VIPR2: variants seen among roughly 807,000 people sequenced by gnomAD.
The protein encoded by VIPR2 is vasoactive intestinal peptide receptor 2.
In VIPR2, 48 loss-of-function variants were observed where a neutral mutation model predicts 58.0. The ratio of observed to expected loss-of-function variants is 0.83; its 90% CI spans 0.66 to 1.05. VIPR2 has a LOEUF of 1.05. Ranked by LOEUF, VIPR2 falls within the 50% of genes least tolerant of loss-of-function variation. The pLI is 0.00. For synonymous variants in VIPR2, 243 were observed against 235.2 expected, an observed-to-expected ratio of 1.03 and a Z score of -0.30; for missense variants, 534 against 558.0, an observed-to-expected ratio of 0.96 and a Z score of 0.43.
Position 159,034,254 on chromosome 7 carries a change from T to C in VIPR2, c.930A>G (p.Leu310=). 1.9e-6 allele frequency: 3 copies of C among 1,614,086 alleles called. No homozygotes were observed. Among genetic ancestry groups the C allele is most frequent in the Non-Finnish European group, 2.5e-6 (3 of 1,180,008 alleles). The change falls in exon 10 of 13, where the codon TTA becomes TTG. Residue 310 remains leucine (L), a synonymous_variant. Coordinates refer to ENST00000262178, the MANE Select transcript of VIPR2 (RefSeq NM_003382.5). Reference sequence around the variant, plus strand: ...CGTTGCCGCCGACATCTGGGGATGTTAACTTCTGCAGCAAAATTCGTATAA... The same window carrying C: ...CGTTGCCGCCGACATCTGGGGATGTCAACTTCTGCAGCAAAATTCGTATAA... ...ISIIRILLQK[L]TSPDVGGNDQ...
intron 2 of VIPR2, among the ~76,000 whole-genome samples, chr7:159,125,926 C>T (rs1428848278): frequency 2.6e-5 from 4 of 152,170 alleles, no homozygotes; most frequent in Non-Finnish European, 4.4e-5. Context: ...AGGGAGCAGT[C>T]GTACAGAGAC....
At chr7:159,053,393 A>C (rs2129493814) in intron 5 of VIPR2, among the ~76,000 whole-genome samples, 1 of 152,362 alleles carries the variant, frequency 6.6e-6, no homozygotes, top group South Asian at 2.1e-4. Context: ...AAAATCATAA[A>C]ACACTGAGAA....
rs577170636 is a variant in VIPR2, at chr7:159,093,428, G to A, written c.357+10329C>T. On this transcript the variant is annotated intron_variant, in intron 4 of 12. Transcript: ENST00000262178. The surrounding 1 kb of genome is among the most constrained non-coding windows in gnomAD (Gnocchi z 6.7). ...TCCACGCTTACTTTCGAGGGTGCTG[G>A]CGGGTGTGGCTGGAGCTCACTCTCA... Among the ~76,000 whole-genome samples the A allele has an allele frequency of 7.9e-5, 12 of 152,334 alleles. No homozygotes were observed. The South Asian group carries it at 2.5e-3, about 32-fold the overall frequency.
chr7:159,030,905 T>A lies in VIPR2; in HGVS notation c.1144-116A>T, dbSNP rs1039433534. On this transcript the variant is annotated intron_variant, in intron 12 of 12. Coordinates refer to ENST00000262178, the MANE Select transcript of VIPR2 (RefSeq NM_003382.5). The stretch of plus-strand genomic sequence containing the variant: ...CCTCCCGCCTGCTCCCGTATCTGTG[T>A]TGCCAGCAGATGGACAGAAACAGAA... The A allele has an allele frequency of 1.8e-5, 24 of 1,312,792 alleles. No individual in the cohort carries two copies. The African/African-American group carries it at 2.9e-4, about 16-fold the overall frequency. 81.3% of individuals were successfully genotyped at this position (1,312,792 alleles called of 1,614,324 possible).
chr7:159,117,375 G>A lies in VIPR2; in HGVS notation c.152-7456C>T, dbSNP rs549887685. On this transcript the variant is annotated intron_variant, in intron 2 of 12. Coordinates refer to ENST00000262178, the MANE Select transcript of VIPR2 (RefSeq NM_003382.5). The stretch of plus-strand genomic sequence containing the variant: ...GGTCCAGGATCCTCTTTAAACCTCC[G>A]GCGTGAATGAGGATGAATCCCTTTG... 18 of 717,466 alleles carry A rather than the reference G, an allele frequency of 2.5e-5. No individual in the cohort carries two copies. In the Middle Eastern group the frequency reaches 6.9e-4, roughly 27 times the overall value. 44.4% of individuals were successfully genotyped at this position (717,466 alleles called of 1,614,324 possible).
intron 5 of VIPR2, among the ~76,000 whole-genome samples, chr7:159,055,173 C>T (rs1319487208): frequency 3.3e-5 from 5 of 152,142 alleles, no homozygotes; most frequent in Non-Finnish European, 7.3e-5. Context: ...ATGGATGAAC[C>T]TCCTTGCAAA....
chr7:159,080,049 C>T (rs1355592137), intron 4 of VIPR2, among the ~76,000 whole-genome samples: 1 of 152,162 alleles, frequency 6.6e-6, no homozygotes, highest in Non-Finnish European at 1.5e-5. Flanking sequence ...CAAGGAGGAG[C>T]TGATACCATT....
intron 8 of VIPR2, among the ~76,000 whole-genome samples, chr7:159,035,582 G>A (rs926791094): frequency 2.6e-5 from 4 of 152,330 alleles, no homozygotes; most frequent in East Asian, 1.9e-4. Flanking sequence ...GTGCCGGGGG[G>A]CCCTGCAGCC....
chr7:159,068,183 AGT>A (rs1449188858), intron 4 of VIPR2, among the ~76,000 whole-genome samples: 5 of 152,188 alleles, frequency 3.3e-5, no homozygotes, highest in African/African-American at 1.2e-4. Flanking sequence ...GTGTGTAGAC[AGT>A]GTGCCAAGAC....
chr7:159,114,583 A>T (rs998072189), intron 2 of VIPR2, among the ~76,000 whole-genome samples: 4 of 151,790 alleles, frequency 2.6e-5, no homozygotes, highest in African/African-American at 4.9e-5. Flanking sequence ...AATTTTTTAA[A>T]ACCCTAAATA....
In VIPR2 at chr7:159,115,842, C is replaced by T. The variant is rs184597544; in HGVS notation, c.152-5923G>A. ...TAGCTGCCCTTCTCACCTCCGATTC[C>T]GTTGCTGCTTCTAGTCTTTCCTAAG... On this transcript the variant is annotated intron_variant, in intron 2 of 12. Transcript: ENST00000262178. Among the ~76,000 whole-genome samples the T allele has an allele frequency of 3.3e-4, 51 of 152,378 alleles. No individual in the cohort carries two copies. The East Asian group carries it at 8.1e-3, about 24-fold the overall frequency.
At chr7:159,088,869 G>T (rs2730290) in intron 4 of VIPR2, among the ~76,000 whole-genome samples, 33,218 of 38,418 alleles carry the variant, frequency 0.86, 14,550 homozygotes, top group South Asian at 0.9. Flanking sequence ...TCCTCATCTG[G>T]GGAATGGGAA....
chr7:159,135,029 TTAAC>T (rs1797154213), intron 2 of VIPR2, among the ~76,000 whole-genome samples: 1 of 93,746 alleles, frequency 1.1e-5, no homozygotes, highest in Non-Finnish European at 2.2e-5. Flanking sequence ...TTTTTTTTTT[TTAAC>T]ATTTTAAGTA....
chr7:159,098,030 C>T lies in VIPR2; in HGVS notation c.357+5727G>A, dbSNP rs1014733060. 3.9e-5 allele frequency among the ~76,000 whole-genome samples: 6 copies of T among 152,216 alleles called. No homozygotes were observed. The highest frequency in any genetic ancestry group is 7.3e-5 in the Non-Finnish European group (5 of 68,040). ...CCACGATCAGTCCCAGGAGCTCCTC[C>T]GTGGCCTCTTGGAAGCCTGAGCCCT... On this transcript the variant is annotated intron_variant, in intron 4 of 12. Transcript: ENST00000262178. The surrounding 1 kb of genome is among the most constrained non-coding windows in gnomAD (Gnocchi z 5.2).
At chr7:159,111,381 A>G (rs1795994516) in intron 2 of VIPR2, among the ~76,000 whole-genome samples, 1 of 152,152 alleles carries the variant, frequency 6.6e-6, no homozygotes, top group South Asian at 2.1e-4. Context: ...ACAAATTTCT[A>G]CCTTGATAAT....
intron 4 of VIPR2, among the ~76,000 whole-genome samples, chr7:159,092,596 T>C (rs1473926778): frequency 6.6e-6 from 1 of 152,140 alleles, no homozygotes; most frequent in African/African-American, 2.4e-5. Flanking sequence ...AATAACCTCC[T>C]TCCATGGGCA....
intron 3 of VIPR2, among the ~76,000 whole-genome samples, chr7:159,106,054 C>T (rs1366943968): frequency 3.3e-5 from 5 of 152,120 alleles, no homozygotes; most frequent in Non-Finnish European, 7.3e-5. Flanking sequence ...CACTGGTGAG[C>T]GATGGGCCAA....
Position 159,129,910 on chromosome 7 carries a change from TGGGGGGACAGGGC to T in VIPR2, c.151+12523_151+12535del, listed in dbSNP as rs1563352339. Reference sequence around the variant, plus strand: ...AACTGGCCTCTGGGGGGGACAGGGCTGGGGGGACAGGGCCAGGTGACCAGCTTCACACTCTGTT... The same window carrying T: ...AACTGGCCTCTGGGGGGGACAGGGCTCAGGTGACCAGCTTCACACTCTGTT... On this transcript the variant is annotated intron_variant, in intron 2 of 12. Transcript: ENST00000262178. Among the ~76,000 whole-genome samples the T allele has an allele frequency of 2.5e-4, 15 of 60,788 alleles. 2 individuals are homozygous for T. Among genetic ancestry groups the T allele is most frequent in the African/African-American group, 1.3e-3 (10 of 7,924 alleles). The allele number at this position is 60,788 out of a possible 152,430, so 39.9% of individuals were successfully genotyped here.
Position 159,075,016 on chromosome 7 carries a change from T to C in VIPR2, c.358-16438A>G, listed in dbSNP as rs539044805. Among the ~76,000 whole-genome samples the C allele has an allele frequency of 5.3e-5, 8 of 152,334 alleles. No homozygotes were observed. The East Asian group carries it at 1.5e-3, about 29-fold the overall frequency. On this transcript the variant is annotated intron_variant, in intron 4 of 12. Coordinates refer to ENST00000262178, the MANE Select transcript of VIPR2 (RefSeq NM_003382.5). ...CTCAATGAATACCTTATTTAGCTGA[T>C]ATTTAAATAGCTTGGCTTGGCTTTT...
Sources: allele counts gnomAD v4.1 joint callset (sites outside exome capture counted in the v4.1 genomes callset), GRCh38; gene constraint gnomAD v4.1.1; non-coding constraint Gnocchi (gnomAD v3.1); transcripts MANE v1.5; gene names NCBI Gene and HGNC (gene_info 2026-07-23, HGNC 2026-07-21).